Variants in TMEM165 observed in about 807,000 individuals in gnomAD.
TMEM165 encodes the protein putative divalent cation/proton antiporter TMEM165.
In TMEM165, 19 loss-of-function variants were observed where a neutral mutation model predicts 30.0. The ratio of observed to expected loss-of-function variants is 0.63; its 90% CI spans 0.44 to 0.93. The LOEUF (loss-of-function observed/expected upper bound fraction) is 0.93. Among genes scored for constraint, TMEM165 ranks in the 40% least tolerant of loss-of-function variants. The probability of loss-of-function intolerance (pLI) is 0.00; values close to 1 mark genes in which losing one functional copy is unlikely to be tolerated. For missense variants in TMEM165, 340 were observed against 417.0 expected (o/e 0.82, Z 1.61); for synonymous variants, 168 against 162.9 (o/e 1.03, Z -0.24).
At chr4:55,438,171 A>G in intron 3 of TMEM165, 1 of 1,353,268 alleles carries the variant, frequency 7.4e-7, no homozygotes, top group Non-Finnish European at 1.0e-6. Flanking sequence ...TAAACTGTAC[A>G]ATAAGCTTTT....
intron 1 of TMEM165, among the ~76,000 whole-genome samples, chr4:55,408,503 T>TATATATAAAAAAAC (rs752266066): frequency 6.6e-5 from 10 of 152,106 alleles, no homozygotes; most frequent in Non-Finnish European, 1.5e-4. Flanking sequence ...TAACATTTTA[T>TATATATAAAAAAAC]ATATATAAAA....
Position 55,396,574 on chromosome 4 carries a change from C to G in TMEM165, c.207+178C>G, listed in dbSNP as rs3087606. Among the ~76,000 whole-genome samples, 35,396 of 152,096 alleles carry G rather than the reference C, an allele frequency of 0.23. 4,681 individuals are homozygous for G. The highest frequency in any genetic ancestry group is 0.4 in the South Asian group (1,910 of 4,814). On this transcript the variant is annotated intron_variant, in intron 1 of 5. Coordinates refer to ENST00000381334, the MANE Select transcript of TMEM165 (RefSeq NM_018475.5). The stretch of plus-strand genomic sequence containing the variant: ...GTTTTCCGGTGAGGCCTGGTCTTGC[C>G]CGCTCCTTTAGGGAAAGGGAGAGGG...
chr4:55,436,173 GTTC>G (rs1722861468), intron 3 of TMEM165, among the ~76,000 whole-genome samples: 1 of 152,040 alleles, frequency 6.6e-6, no homozygotes, highest in Non-Finnish European at 1.5e-5. Flanking sequence ...ACCACATTGG[GTTC>G]TTAATAAAGA....
At chr4:55,399,419 C>G (rs181658062) in intron 1 of TMEM165, among the ~76,000 whole-genome samples, 1 of 152,312 alleles carries the variant, frequency 6.6e-6, no homozygotes, top group Admixed American at 6.5e-5. Flanking sequence ...GATTGATGAA[C>G]TTAATTCTTA....
rs1254594698 is a variant in TMEM165 at position 55,426,122 on chromosome 4, T to C, written c.*670T>C. On this transcript the variant is annotated 3_prime_UTR_variant, in exon 6 of 6. Coordinates refer to ENST00000381334, the MANE Select transcript of TMEM165 (RefSeq NM_018475.5). Reference sequence around the variant, plus strand: ...GAATGTATTCATATTTTTTCTATATTGAATAAACAATGTAACATAGATAAC... The same window carrying C: ...GAATGTATTCATATTTTTTCTATATCGAATAAACAATGTAACATAGATAAC... 1 of 152,138 alleles carries C rather than the reference T, an allele frequency of 6.6e-6. No individual in the cohort carries two copies. The highest frequency in any genetic ancestry group is 1.5e-5 in the Non-Finnish European group (1 of 68,008). The allele number at this position is 152,138 out of a possible 1,614,324, so 9.4% of individuals were successfully genotyped here. A position where few individuals can be genotyped will look rare whatever the true frequency, so the allele number is the denominator to read the frequency against.
At chr4:55,449,901 C>A (rs1463514778) in intron 3 of TMEM165, among the ~76,000 whole-genome samples, 1 of 152,158 alleles carries the variant, frequency 6.6e-6, no homozygotes, top group Non-Finnish European at 1.5e-5. Flanking sequence ...TTTTAATAGG[C>A]TACTTGAAGA....
At chr4:55,444,610 T>C in intron 3 of TMEM165, 1 of 1,613,884 alleles carries the variant, frequency 6.2e-7, no homozygotes, top group South Asian at 1.1e-5. Flanking sequence ...GATGCTTTGT[T>C]TGTATTCAAA....
intron 1 of TMEM165, among the ~76,000 whole-genome samples, chr4:55,405,589 A>G (rs1721234953): frequency 6.6e-6 from 1 of 152,202 alleles, no homozygotes; most frequent in Non-Finnish European, 1.5e-5. Context: ...AAGAGTACTA[A>G]TATTTCTGCC....
intron 1 of TMEM165, among the ~76,000 whole-genome samples, chr4:55,406,296 A>G (rs142634983): frequency 1.3e-5 from 2 of 152,248 alleles, no homozygotes; most frequent in African/African-American, 2.4e-5. Context: ...GCATGTGTCT[A>G]TAATGGTGTG....
chr4:55,447,177 G>A (rs1723928784), intron 3 of TMEM165, among the ~76,000 whole-genome samples: 1 of 151,854 alleles, frequency 6.6e-6, no homozygotes, highest in Non-Finnish European at 1.5e-5. Flanking sequence ...GACCAGCCTG[G>A]GCAACATGGC....
chr4:55,417,789 ATTAT>A lies in TMEM165; in HGVS notation c.610-7_610-4del, dbSNP rs1243678434. Reference sequence around the variant, plus strand: ...TTCCTGTGCTTACTTTCATTTGTTTATTATTTATTTTAGTTTCAACGAACCAAAC... The same window carrying A: ...TTCCTGTGCTTACTTTCATTTGTTTATTATTTTAGTTTCAACGAACCAAAC... On this transcript the variant is annotated splice_polypyrimidine_tract_variant and intron_variant, in intron 3 of 5. Transcript: ENST00000381334. The A allele has an allele frequency of 9.5e-6, 15 of 1,576,876 alleles. No homozygotes were observed. Among genetic ancestry groups the A allele is most frequent in the African/African-American group, 1.4e-5 (1 of 73,242 alleles).
Position 55,411,617 on chromosome 4 carries a change from A to G in TMEM165, c.211A>G (p.Ile71Val). Reference sequence around the variant, plus strand: ...GTAACTGATTTTTTTTTTCCAGAAAATATTTACACCAGCAGCTCCAGTTCA... The same window carrying G: ...GTAACTGATTTTTTTTTTCCAGAAAGTATTTACACCAGCAGCTCCAGTTCA... ...QGPEPARVEK[I>V]FTPAAPVHTN... The change falls in exon 2 of 6, where the codon ATA becomes GTA. Residue 71 changes from isoleucine to valine, a missense_variant. Ile to Val is a conservative substitution (Grantham distance 29). Coordinates refer to ENST00000381334, the MANE Select transcript of TMEM165 (RefSeq NM_018475.5). 6.2e-7 allele frequency: 1 copy of G among 1,603,938 alleles called. No individual in the cohort carries two copies. The highest frequency in any genetic ancestry group is 2.2e-5 in the East Asian group (1 of 44,858).
At chr4:55,437,456 C>T (rs1161445455) in intron 3 of TMEM165, among the ~76,000 whole-genome samples, 2 of 152,190 alleles carry the variant, frequency 1.3e-5, no homozygotes, top group Non-Finnish European at 2.9e-5. Flanking sequence ...TGCTGAGGAT[C>T]TTGCCTAGTG....
chr4:55,416,020 A>G (rs902789875), intron 2 of TMEM165: 4 of 151,708 alleles, frequency 2.6e-5, no homozygotes, highest in African/African-American at 9.7e-5. Flanking sequence ...CCGTCAGGCT[A>G]ATTTTTGTAT....
At position 55,412,991 on chromosome 4, in the gene TMEM165, T is replaced by TTTA. The variant is rs1354714563; in HGVS notation, c.433+1154_433+1155insATT. On this transcript the variant is annotated intron_variant, in intron 2 of 5. Coordinates refer to ENST00000381334, the MANE Select transcript of TMEM165 (RefSeq NM_018475.5). ...TTTTTATTTATTTATTTATTTATTT[T>TTTA]TTTTTAGAGACTGAGTCTTGCTCTA... 2.0e-4 allele frequency among the ~76,000 whole-genome samples: 30 copies of TTTA among 151,288 alleles called. No homozygotes were observed. The South Asian group carries it at 2.9e-3, about 15-fold the overall frequency.
chr4:55,444,962 G>A (rs1279642214), intron 3 of TMEM165, among the ~76,000 whole-genome samples: 1 of 152,082 alleles, frequency 6.6e-6, no homozygotes, highest in African/African-American at 2.4e-5. Context: ...TATTGGACCT[G>A]GACCTTCAAA....
chr4:55,411,469 A>T, intron 1 of TMEM165, 145 bp from the exon 2 acceptor site: 1 of 696,650 alleles, frequency 1.4e-6, no homozygotes, highest in South Asian at 1.8e-5. Context: ...TACCGTCGTT[A>T]CTGATGGCTT....
intron 3 of TMEM165, chr4:55,449,288 T>G (rs1724217420): frequency 9.8e-7 from 1 of 1,021,218 alleles, no homozygotes; most frequent in Non-Finnish European, 1.5e-6. Context: ...AGTAACTATT[T>G]TGATCTTTAC....
At chr4:55,404,580 C>T (rs1721196010) in intron 1 of TMEM165, among the ~76,000 whole-genome samples, 2 of 151,590 alleles carry the variant, frequency 1.3e-5, no homozygotes. Context: ...TGCATGCCAC[C>T]ACACCTGGCT....
Sources: gnomAD v4.1 joint callset for allele counts (sites outside exome capture counted in the v4.1 genomes callset) on GRCh38, gnomAD v4.1.1 for gene constraint, MANE v1.5 for transcripts, NCBI Gene and HGNC (gene_info 2026-07-23, HGNC 2026-07-21) for gene names.